Variants in VWF observed in about 807,000 individuals in gnomAD.
The protein encoded by VWF is von Willebrand factor, also known as Factor VIII related antigen.
VWF carries 176 observed loss-of-function variants against 308.6 expected under a neutral mutation model. The ratio of observed to expected loss-of-function variants is 0.57; its 90% CI spans 0.50 to 0.65. The LOEUF (loss-of-function observed/expected upper bound fraction) is 0.65. VWF is among the 30% of genes least tolerant of loss of function. VWF has a pLI of 0.00. For synonymous variants in VWF, 1,385 were observed against 1,443.4 expected, an observed-to-expected ratio of 0.96 and a Z score of 0.92; for missense variants, 3,146 against 3,648.2, an observed-to-expected ratio of 0.86 and a Z score of 3.55.
chr12:6,071,417 T>G, intron 9 of VWF, 74 bp from the exon 10 acceptor site: 1 of 1,544,566 alleles, frequency 6.5e-7, no homozygotes, highest in Non-Finnish European at 8.9e-7. Flanking sequence ...TTAGAGCTCA[T>G]GGTAGTTATC....
At chr12:6,122,633 C>T (rs1174012251) in intron 2 of VWF, 3 of 407,922 alleles carry the variant, frequency 7.4e-6, no homozygotes, top group Non-Finnish European at 1.4e-5. Context: ...CCCCTCCCGC[C>T]ATTTGCAGAC....
At chr12:5,986,317 A>G (rs1008586807) in intron 38 of VWF, among the ~76,000 whole-genome samples, 2 of 152,242 alleles carry the variant, frequency 1.3e-5, no homozygotes, top group Non-Finnish European at 2.9e-5. Flanking sequence ...CCTGCCTTGC[A>G]GGACTGTTGT....
intron 34 of VWF, among the ~76,000 whole-genome samples, chr12:6,000,916 TA>T (rs1943866532): frequency 6.6e-6 from 1 of 152,118 alleles, no homozygotes; most frequent in African/African-American, 2.4e-5. Flanking sequence ...CATTTTTATT[TA>T]TATAGTCATA....
At chr12:6,008,429 A>C (rs577628570) in intron 34 of VWF, among the ~76,000 whole-genome samples, 1 of 152,334 alleles carries the variant, frequency 6.6e-6, no homozygotes, top group African/African-American at 2.4e-5. Context: ...TCATACTATC[A>C]TGTCAACAGA....
chr12:6,088,582 C>T (rs1376038080), intron 6 of VWF, among the ~76,000 whole-genome samples: 4 of 152,102 alleles, frequency 2.6e-5, no homozygotes. Flanking sequence ...CCCCCCGGAG[C>T]CTTGGGCTTC....
At chr12:6,021,837 T>G in intron 27 of VWF, 63 bp downstream of exon 27, 1 of 1,612,198 alleles carries the variant, frequency 6.2e-7, no homozygotes, top group South Asian at 1.1e-5. Flanking sequence ...ACCTAGTCTC[T>G]AAGCTGGCCC....
chr12:6,045,317 A>G (rs1944436431), intron 17 of VWF, among the ~76,000 whole-genome samples: 1 of 152,254 alleles, frequency 6.6e-6, no homozygotes, highest in East Asian at 1.9e-4. Flanking sequence ...TTATTTTTAT[A>G]TGGAAACTCT....
chr12:5,980,065 A>AAAAG (rs1244337645), intron 42 of VWF, among the ~76,000 whole-genome samples: 4 of 145,532 alleles, frequency 2.7e-5, no homozygotes, highest in Admixed American at 7.0e-5. Flanking sequence ...AGAACGAATG[A>AAAAG]AAAGAAAGAA....
chr12:6,035,220 A>C (rs1441047640), intron 19 of VWF, among the ~76,000 whole-genome samples: 1 of 152,192 alleles, frequency 6.6e-6, no homozygotes. Flanking sequence ...CTGATGTTGA[A>C]AGCCTGAGGC....
chr12:6,051,280 T>G (rs985433840), intron 16 of VWF, among the ~76,000 whole-genome samples: 1 of 110,094 alleles, frequency 9.1e-6, no homozygotes, highest in Non-Finnish European at 1.8e-5. Flanking sequence ...CAGGACTTCT[T>G]TTTTTCTTTT....
chr12:5,974,066 T>A (rs1943506911), intron 43 of VWF, among the ~76,000 whole-genome samples: 1 of 152,352 alleles, frequency 6.6e-6, no homozygotes, highest in Non-Finnish European at 1.5e-5. Flanking sequence ...AGGGTGATGA[T>A]GGTAGTGTTG....
chr12:6,079,371 C>T (rs976641301), intron 6 of VWF, among the ~76,000 whole-genome samples: 3 of 152,154 alleles, frequency 2.0e-5, no homozygotes, highest in Non-Finnish European at 4.4e-5. Flanking sequence ...CTTTTGGAGG[C>T]CAAGGCGGGC....
intron 42 of VWF, among the ~76,000 whole-genome samples, chr12:5,981,450 G>A (rs1339219214): frequency 6.6e-6 from 1 of 152,118 alleles, no homozygotes; most frequent in Non-Finnish European, 1.5e-5. Context: ...GCTTATAAAG[G>A]TAAAGACCAT....
chr12:5,982,067 C>T, intron 41 of VWF, 76 bp from the exon 42 acceptor site: 6 of 1,434,570 alleles, frequency 4.2e-6, no homozygotes, highest in Non-Finnish European at 4.8e-6. Flanking sequence ...CTATAGGGTG[C>T]CAGGGAGCTT....
intron 21 of VWF, among the ~76,000 whole-genome samples, chr12:6,030,752 G>A (rs1359647699): frequency 1.2e-4 from 18 of 152,232 alleles, no homozygotes; most frequent in Non-Finnish European, 2.2e-4. Flanking sequence ...TTCTGGCCAG[G>A]CATGGTGGCT....
intron 46 of VWF, 82 bp downstream of exon 46, chr12:5,968,045 C>T (rs955328903): frequency 6.3e-7 from 1 of 1,589,204 alleles, no homozygotes; most frequent in Non-Finnish European, 8.6e-7. Flanking sequence ...TTCTGCTTTA[C>T]AATGACTTGC....
At chr12:5,975,200 C>T (rs1943520295) in intron 43 of VWF, among the ~76,000 whole-genome samples, 1 of 152,216 alleles carries the variant, frequency 6.6e-6, no homozygotes, top group Admixed American at 6.5e-5. Flanking sequence ...GATTTGCCCT[C>T]AGGCCCTCCT....
At chr12:5,985,217 T>G in intron 39 of VWF, 98 bp from the exon 40 acceptor site, 1 of 1,252,666 alleles carries the variant, frequency 8.0e-7, no homozygotes, top group Admixed American at 1.8e-5. Flanking sequence ...CTAGTAGGAG[T>G]TCTGTACGGT....
intron 5 of VWF, among the ~76,000 whole-genome samples, chr12:6,103,275 C>A (rs573946864): frequency 8.6e-5 from 13 of 151,958 alleles, no homozygotes; most frequent in Admixed American, 4.6e-4. Context: ...TTGCAGTGAG[C>A]CAATCCACGC....
Sources: allele counts gnomAD v4.1 joint callset (sites outside exome capture counted in the v4.1 genomes callset), GRCh38; gene constraint gnomAD v4.1.1; transcripts MANE v1.5; gene names NCBI Gene and HGNC (gene_info 2026-07-23, HGNC 2026-07-21).